The following NR3C2 variants were observed in gnomAD, a reference collection of about 807,000 sequenced individuals.
The protein encoded by NR3C2 is mineralocorticoid receptor.
A neutral mutation model predicts 86.4 loss-of-function variants in NR3C2; 15 were observed. The ratio of observed to expected loss-of-function variants is 0.17; its 90% confidence interval spans 0.12 to 0.27. The LOEUF is 0.27. NR3C2 is among the 10% of genes least tolerant of loss of function. NR3C2 has a pLI of 1.00. For synonymous variants in NR3C2, 458 were observed against 450.5 expected (o/e 1.02, Z -0.21); for missense variants, 960 against 1,195.6 (o/e 0.80, Z 2.91).
chr4:148,332,910 C>A (rs1221113259), intron 2 of NR3C2, among the ~76,000 whole-genome samples: 1 of 152,086 alleles, frequency 6.6e-6, no homozygotes, highest in African/African-American at 2.4e-5. Context: ...CCCTACTTTT[C>A]CATGTGTTTT....
chr4:148,423,732 A>T (rs1259446110), intron 2 of NR3C2, among the ~76,000 whole-genome samples: 1 of 152,168 alleles, frequency 6.6e-6, no homozygotes, highest in Non-Finnish European at 1.5e-5. Flanking sequence ...TTTGAAACAG[A>T]GTCTCTGTCA....
intron 2 of NR3C2, among the ~76,000 whole-genome samples, chr4:148,299,597 CCA>C (rs1742231540): frequency 2.0e-5 from 3 of 152,218 alleles, no homozygotes; most frequent in Admixed American, 2.0e-4. Context: ...CAATACAAGT[CCA>C]CAGAGTCTTC....
chr4:148,377,968 G>C (rs1207529744), intron 2 of NR3C2, among the ~76,000 whole-genome samples: 3 of 152,134 alleles, frequency 2.0e-5, no homozygotes, highest in South Asian at 4.2e-4. Context: ...TCAATGCAAA[G>C]GGTTACCCAG....
At chr4:148,325,648 A>G (rs905353384) in intron 2 of NR3C2, among the ~76,000 whole-genome samples, 2 of 152,362 alleles carry the variant, frequency 1.3e-5, no homozygotes, top group South Asian at 2.1e-4. Context: ...AGATTTAAAC[A>G]TACATAATTT....
At chr4:148,248,434 G>C (rs969396365) in intron 3 of NR3C2, among the ~76,000 whole-genome samples, 1 of 152,110 alleles carries the variant, frequency 6.6e-6, no homozygotes. Flanking sequence ...GTTGTGGGAG[G>C]GTAAGAGAAT....
At chr4:148,103,574 C>T (rs557761126) in intron 8 of NR3C2, among the ~76,000 whole-genome samples, 34 of 152,358 alleles carry the variant, frequency 2.2e-4, no homozygotes, top group Middle Eastern at 6.8e-3. Flanking sequence ...ACTGAAAAAT[C>T]TCTTTTTTAA....
chr4:148,203,658 C>T (rs563179245), intron 3 of NR3C2, among the ~76,000 whole-genome samples: 2 of 140,002 alleles, frequency 1.4e-5, no homozygotes, highest in Non-Finnish European at 3.1e-5. Flanking sequence ...TCCCTCCCCC[C>T]GCCCCGCCCC....
At chr4:148,091,537 T>C (rs1731061585) in intron 8 of NR3C2, among the ~76,000 whole-genome samples, 1 of 152,112 alleles carries the variant, frequency 6.6e-6, no homozygotes, top group Non-Finnish European at 1.5e-5. Context: ...GATTCACATA[T>C]CAAACATCTG....
Position 148,393,335 on chromosome 4 carries a change from A to G in NR3C2, c.1757+41769T>C, listed in dbSNP as rs186500358. Among the ~76,000 whole-genome samples the G allele has an allele frequency of 3.6e-3, 541 of 152,366 alleles. 1 individual carries two copies. Among genetic ancestry groups the G allele is most frequent in the African/African-American group, 0.012 (517 of 41,586 alleles). On this transcript the variant is annotated intron_variant, in intron 2 of 8. Coordinates refer to ENST00000358102, the MANE Select transcript of NR3C2 (RefSeq NM_000901.5). ...ACAGGTGTACATTAGAAGCACGTGC[A>G]AAGCTTTGTGAAAATGCTTACACCC...
intron 7 of NR3C2, among the ~76,000 whole-genome samples, chr4:148,118,972 T>C (rs932773291): frequency 2.6e-5 from 4 of 152,120 alleles, no homozygotes; most frequent in Non-Finnish European, 5.9e-5. Flanking sequence ...TGTCTCTGCC[T>C]CTCTCCTATC....
chr4:148,214,185 T>A (rs1376945425), intron 3 of NR3C2, among the ~76,000 whole-genome samples: 2 of 152,194 alleles, frequency 1.3e-5, no homozygotes, highest in Non-Finnish European at 2.9e-5. Flanking sequence ...GCTAGATTAT[T>A]GAGAAGTGCA....
chr4:148,426,626 T>C (rs1424484400), intron 2 of NR3C2, among the ~76,000 whole-genome samples: 1 of 152,244 alleles, frequency 6.6e-6, no homozygotes, highest in East Asian at 1.9e-4. Flanking sequence ...TTAGGATGCG[T>C]TGTTCATCTT....
In NR3C2 at chr4:148,158,785, T is replaced by G. The variant is rs144581957; in HGVS notation, c.2015-3884A>C. ...AATGTCATGAAGAATACTTAATATT[T>G]TCTCCAGCACTTACACACAAGGCTG... On this transcript the variant is annotated intron_variant, in intron 4 of 8. Coordinates refer to ENST00000358102, the MANE Select transcript of NR3C2 (RefSeq NM_000901.5). 6.6e-5 allele frequency among the ~76,000 whole-genome samples: 10 copies of G among 152,352 alleles called. No individual in the cohort carries two copies. The East Asian group carries it at 1.9e-3, about 29-fold the overall frequency.
chr4:148,114,900 C>T (rs1351762507), intron 7 of NR3C2, among the ~76,000 whole-genome samples: 2 of 152,186 alleles, frequency 1.3e-5, no homozygotes, highest in African/African-American at 2.4e-5. Context: ...CACTTTCTAT[C>T]CACTTTGCAC....
intron 2 of NR3C2, among the ~76,000 whole-genome samples, chr4:148,282,486 G>A (rs533116825): frequency 6.6e-6 from 1 of 152,210 alleles, no homozygotes; most frequent in Admixed American, 6.5e-5. Flanking sequence ...TACAGCATAA[G>A]AGTATGTGCA....
chr4:148,139,923 C>G (rs1733531055), intron 6 of NR3C2, among the ~76,000 whole-genome samples: 1 of 152,122 alleles, frequency 6.6e-6, no homozygotes, highest in Admixed American at 6.6e-5. Context: ...TCATGTGATA[C>G]AATAAAAATA....
intron 2 of NR3C2, among the ~76,000 whole-genome samples, chr4:148,346,354 C>G (rs945556244): frequency 6.6e-6 from 1 of 151,970 alleles, no homozygotes; most frequent in Non-Finnish European, 1.5e-5. Context: ...TGGGGAACAG[C>G]GAACAGATCC....
At chr4:148,260,764 T>C (rs2149872604) in intron 2 of NR3C2, among the ~76,000 whole-genome samples, 1 of 152,306 alleles carries the variant, frequency 6.6e-6, no homozygotes, top group East Asian at 1.9e-4. Context: ...ATCTCAGGTA[T>C]CTTTCATGGT....
chr4:148,282,831 TAA>T (rs747251579), intron 2 of NR3C2, among the ~76,000 whole-genome samples: 2 of 151,884 alleles, frequency 1.3e-5, no homozygotes, highest in Non-Finnish European at 2.9e-5. Flanking sequence ...GGAAGGGATA[TAA>T]GAGAGGGACA....
Sources: allele counts gnomAD v4.1 joint callset (sites outside exome capture counted in the v4.1 genomes callset), GRCh38; gene constraint gnomAD v4.1.1; transcripts MANE v1.5; gene names NCBI Gene and HGNC (gene_info 2026-07-23, HGNC 2026-07-21).